Variants in DIP2C observed in about 807,000 individuals in gnomAD.
DIP2C encodes the protein disco-interacting protein 2 homolog C.
A neutral mutation model predicts 192.4 loss-of-function variants in DIP2C; 33 were observed. The observed-to-expected ratio is 0.17, with a 90% CI of 0.13 to 0.23. DIP2C has a LOEUF of 0.23. Among genes scored for constraint, DIP2C ranks in the 10% least tolerant of loss-of-function variants. The pLI, the probability that DIP2C is intolerant of heterozygous loss-of-function variation, is 1.00. For synonymous variants in DIP2C, 979 were observed against 864.1 expected, an observed-to-expected ratio of 1.13 and a Z score of -2.33; for missense variants, 1,537 against 2,110.1, an observed-to-expected ratio of 0.73 and a Z score of 5.32.
intron 1 of DIP2C, among the ~76,000 whole-genome samples, chr10:590,860 T>C (rs1392077557): frequency 6.6e-6 from 1 of 152,136 alleles, no homozygotes; most frequent in Middle Eastern, 3.2e-3. Flanking sequence ...AGGGGCCGCC[T>C]CCCTCCAGCA....
At chr10:286,215 G>T in intron 34 of DIP2C, 58 bp downstream of exon 34, 1 of 1,545,188 alleles carries the variant, frequency 6.5e-7, no homozygotes, top group Non-Finnish European at 8.9e-7. Flanking sequence ...TGGTGTCAAG[G>T]CAAGCCAAGG....
At chr10:328,736 T>C (rs1321324893) in intron 30 of DIP2C, among the ~76,000 whole-genome samples, 1 of 152,178 alleles carries the variant, frequency 6.6e-6, no homozygotes, top group Non-Finnish European at 1.5e-5. Context: ...TCTGTGTAGA[T>C]GACAGAAACA....
intron 1 of DIP2C, among the ~76,000 whole-genome samples, chr10:616,510 C>T (rs899584350): frequency 3.9e-5 from 6 of 152,318 alleles, no homozygotes; most frequent in Admixed American, 6.5e-5. Context: ...ATCCCATCAG[C>T]GGGCCCACTG....
At chr10:432,469 TAG>T (rs1460829526) in intron 4 of DIP2C, among the ~76,000 whole-genome samples, 1 of 152,228 alleles carries the variant, frequency 6.6e-6, no homozygotes, top group Non-Finnish European at 1.5e-5. Flanking sequence ...TTTGTGGCCA[TAG>T]AGTTTTTCAT....
chr10:332,267 C>T (rs570519404), intron 29 of DIP2C, among the ~76,000 whole-genome samples: 1 of 152,300 alleles, frequency 6.6e-6, no homozygotes, highest in African/African-American at 2.4e-5. Context: ...CAAAAATACA[C>T]ATCAGCATTA....
chr10:673,829 C>T (rs1185328574), intron 1 of DIP2C, among the ~76,000 whole-genome samples: 3 of 152,162 alleles, frequency 2.0e-5, no homozygotes, highest in African/African-American at 4.8e-5. Flanking sequence ...GCCCCAGGTG[C>T]GTGGCTACTA....
chr10:521,585 G>A (rs1306601114), intron 1 of DIP2C, among the ~76,000 whole-genome samples: 1 of 152,172 alleles, frequency 6.6e-6, no homozygotes, highest in Non-Finnish European at 1.5e-5. Context: ...ATAGGATCCT[G>A]GCTATCCTGG....
At chr10:645,023 CAAG>C (rs905378807) in intron 1 of DIP2C, among the ~76,000 whole-genome samples, 6 of 152,174 alleles carry the variant, frequency 3.9e-5, no homozygotes, top group African/African-American at 1.2e-4. Flanking sequence ...ATGTTCCCGA[CAAG>C]ACAAGAAAGA....
At chr10:618,646 A>AACTTTGT (rs1303527995) in intron 1 of DIP2C, among the ~76,000 whole-genome samples, 3 of 152,256 alleles carry the variant, frequency 2.0e-5, no homozygotes, top group African/African-American at 7.2e-5. Context: ...GTTTGCTTTT[A>AACTTTGT]TGCAACAAAG....
At chr10:508,636 C>T (rs1845794074) in intron 1 of DIP2C, among the ~76,000 whole-genome samples, 1 of 152,096 alleles carries the variant, frequency 6.6e-6, no homozygotes, top group African/African-American at 2.4e-5. Context: ...GGCTGATGGA[C>T]AAGTGTGATG....
chr10:351,368 G>A (rs1364318972), intron 24 of DIP2C, among the ~76,000 whole-genome samples: 2 of 152,204 alleles, frequency 1.3e-5, no homozygotes, highest in Non-Finnish European at 2.9e-5. Context: ...CCACAAGACA[G>A]CCGATGAGCG....
intron 1 of DIP2C, among the ~76,000 whole-genome samples, chr10:491,185 A>G (rs1345089977): frequency 6.6e-6 from 1 of 152,152 alleles, no homozygotes; most frequent in Non-Finnish European, 1.5e-5. Context: ...GACACTTGGG[A>G]GCCGCGTGAC....
intron 2 of DIP2C, among the ~76,000 whole-genome samples, chr10:477,735 G>A (rs1484104444): frequency 8.3e-6 from 1 of 121,048 alleles, no homozygotes; most frequent in African/African-American, 2.8e-5. Context: ...GAGAAGGAAA[G>A]AAAGAACGAG....
intron 32 of DIP2C, among the ~76,000 whole-genome samples, chr10:300,754 A>G (rs1955997149): frequency 6.9e-6 from 1 of 145,398 alleles, no homozygotes; most frequent in Non-Finnish European, 1.5e-5. Flanking sequence ...GAGCGTGTGG[A>G]GAAGCCGGAA....
Position 472,513 on chromosome 10 carries a change from G to A in DIP2C, c.194C>T (p.Pro65Leu), listed in dbSNP as rs1205555169. 2 of 1,614,224 alleles carry A rather than the reference G, an allele frequency of 1.2e-6. No homozygotes were observed. Among genetic ancestry groups the A allele is most frequent in the Non-Finnish European group, 1.7e-6 (2 of 1,180,040 alleles). ...DQALPQERRA[P>L]VTPSSASRYH... is the part of the protein sequence containing the mutation. ...GCGAGAGGCGGAGGAAGGAGTGACA[G>A]GAGCCCGGCGTTCTTGCGGCAAAGC... is the stretch of plus-strand genomic sequence containing the variant. Residue 65 changes from proline (P) to leucine (L), a missense_variant, in exon 3 of 37, where the codon CCT becomes CTT. Physicochemically the swap from Pro to Leu is moderately conservative, Grantham distance 98. Transcript: ENST00000280886.
intron 32 of DIP2C, among the ~76,000 whole-genome samples, chr10:291,808 T>C (rs1306409924): frequency 6.6e-6 from 1 of 152,232 alleles, no homozygotes; most frequent in Admixed American, 6.5e-5. Flanking sequence ...TTAACACTTC[T>C]CAGTTAGAAC....
chr10:540,111 A>C (rs78133558), intron 1 of DIP2C, among the ~76,000 whole-genome samples: 1,577 of 152,384 alleles, frequency 0.01, 29 homozygotes, highest in African/African-American at 0.036. Flanking sequence ...ATATTAAAGC[A>C]AAATAAAAAG....
intron 18 of DIP2C, among the ~76,000 whole-genome samples, chr10:367,282 T>C (rs2132759995): frequency 6.6e-6 from 1 of 152,128 alleles, no homozygotes; most frequent in Admixed American, 6.5e-5. Flanking sequence ...CCGGGCGCAG[T>C]GGCGGGCGCC....
Position 415,749 on chromosome 10 carries a change from G to A in DIP2C, c.859+20C>T, listed in dbSNP as rs1256302701. The A allele has an allele frequency of 3.7e-6, 6 of 1,613,484 alleles. No individual in the cohort carries two copies. Among genetic ancestry groups the A allele is most frequent in the African/African-American group, 2.7e-5 (2 of 75,000 alleles). ...CCATAGGAGCATCTGGAAGAAACGT[G>A]TGGTAAAGAGTTCTCTCACCTTCTA... On this transcript the variant is annotated intron_variant, in intron 7 of 36. Coordinates refer to ENST00000280886, the MANE Select transcript of DIP2C (RefSeq NM_014974.3).
Sources: allele counts gnomAD v4.1 joint callset (sites outside exome capture counted in the v4.1 genomes callset), GRCh38; gene constraint gnomAD v4.1.1; transcripts MANE v1.5; gene names NCBI Gene and HGNC (gene_info 2026-07-23, HGNC 2026-07-21).